The following UBAP2 variants were observed in gnomAD, a reference collection of about 807,000 sequenced individuals.
UBAP2 encodes ubiquitin-associated protein 2.
Under a neutral mutation model 139.6 loss-of-function variants are expected in UBAP2, and 75 were observed. The ratio of observed to expected loss-of-function variants is 0.54; its 90% CI spans 0.45 to 0.65. The LOEUF is 0.65. Among genes scored for constraint, UBAP2 ranks in the 30% least tolerant of loss-of-function variants. The pLI is 0.00. For missense variants in UBAP2, 1,368 were observed against 1,369.6 expected, an observed-to-expected ratio of 1.00 and a Z score of 0.02; for synonymous variants, 526 against 526.2, an observed-to-expected ratio of 1.00 and a Z score of 0.01.
At chr9:33,981,344 G>A (rs1164981158) in intron 6 of UBAP2, among the ~76,000 whole-genome samples, 1 of 143,732 alleles carries the variant, frequency 7.0e-6, no homozygotes, top group African/African-American at 2.6e-5. Flanking sequence ...TAAAAGACGG[G>A]GAAAGATACG....
intron 1 of UBAP2, among the ~76,000 whole-genome samples, chr9:34,034,904 G>A (rs1039798341): frequency 7.3e-5 from 11 of 151,450 alleles, no homozygotes; most frequent in African/African-American, 1.9e-4. Flanking sequence ...AAAACGAATC[G>A]CTCAACTGTT....
At chr9:34,017,958 C>A (rs776995878) in intron 1 of UBAP2, among the ~76,000 whole-genome samples, 9 of 151,762 alleles carry the variant, frequency 5.9e-5, no homozygotes, top group Non-Finnish European at 1.2e-4. Flanking sequence ...ATATAATTTT[C>A]TTTGATTTGT....
At chr9:33,928,344 A>C (rs981112366) in intron 19 of UBAP2, 8 of 234,224 alleles carry the variant, frequency 3.4e-5, no homozygotes, top group Middle Eastern at 1.4e-3. Flanking sequence ...ATGAACACAG[A>C]CTATCTGAAT....
intron 2 of UBAP2, among the ~76,000 whole-genome samples, chr9:34,005,679 G>C (rs573439492): frequency 1.3e-5 from 2 of 152,032 alleles, no homozygotes; most frequent in South Asian, 4.1e-4. Context: ...GAAATGAAGA[G>C]ATAAATAGGA....
rs146425331 is a variant in UBAP2 at position 34,006,587 on chromosome 9, G to A, written c.100-7723C>T. ...GCTACTCAAGAGGCTGAGGTAGGAGGATTATCTGAGTCCAGGAGGTCAAGG... is the reference window on the plus strand; with the variant it reads ...GCTACTCAAGAGGCTGAGGTAGGAGAATTATCTGAGTCCAGGAGGTCAAGG... On this transcript the variant is annotated intron_variant, in intron 2 of 28. Coordinates refer to ENST00000379238, the MANE Select transcript of UBAP2 (RefSeq NM_001370062.2). Among the ~76,000 whole-genome samples the A allele has an allele frequency of 1.2e-3, 188 of 152,140 alleles. 1 individual carries two copies. The East Asian group carries it at 0.031, about 25-fold the overall frequency.
intron 1 of UBAP2, among the ~76,000 whole-genome samples, chr9:34,043,668 A>T (rs887099975): frequency 2.0e-5 from 3 of 151,372 alleles, no homozygotes; most frequent in South Asian, 2.1e-4. Flanking sequence ...TAATTTTTAC[A>T]TTTTTTTTAT....
chr9:33,999,674 G>A (rs1360596409), intron 2 of UBAP2, among the ~76,000 whole-genome samples: 1 of 151,754 alleles, frequency 6.6e-6, no homozygotes, highest in African/African-American at 2.4e-5. Flanking sequence ...TGGGATTACA[G>A]GCCTGAGCCA....
chr9:33,982,323 T>C (rs1403178964), intron 6 of UBAP2, among the ~76,000 whole-genome samples: 4 of 152,158 alleles, frequency 2.6e-5, no homozygotes, highest in Admixed American at 6.6e-5. Flanking sequence ...ATAGGAATGA[T>C]TTTTCAAGTG....
intron 21 of UBAP2, 29 bp downstream of exon 21, chr9:33,926,960 G>A: frequency 6.2e-7 from 1 of 1,607,262 alleles, no homozygotes; most frequent in Non-Finnish European, 8.5e-7. Context: ...GGGGAGCTGG[G>A]CAGGCCAGGA....
In UBAP2 at chr9:33,943,417, T is replaced by C. The variant is rs1304129306; in HGVS notation, c.1715+3A>G. On this transcript the variant is annotated splice_donor_region_variant and intron_variant, in intron 15 of 28. Transcript: ENST00000379238. ...CTTCATAACAAAGGACTAAATTCAG[T>C]ACCTTAAAGACTTCGAATACAAGCT... 6.2e-7 allele frequency: 1 copy of C among 1,613,938 alleles called. No individual in the cohort carries two copies. Among genetic ancestry groups the C allele is most frequent in the Admixed American group, 1.7e-5 (1 of 59,954 alleles).
At chr9:34,039,362 G>A (rs1176575244) in intron 1 of UBAP2, among the ~76,000 whole-genome samples, 1 of 152,216 alleles carries the variant, frequency 6.6e-6, no homozygotes, top group Non-Finnish European at 1.5e-5. Flanking sequence ...GTACCCAACT[G>A]CTCATTGAGA....
At chr9:33,963,234 A>G (rs1284535185) in intron 9 of UBAP2, among the ~76,000 whole-genome samples, 1 of 152,220 alleles carries the variant, frequency 6.6e-6, no homozygotes. Flanking sequence ...CCATGTGAGA[A>G]GCAAGTGCCA....
At chr9:33,944,701 A>G in intron 13 of UBAP2, 62 bp from the exon 14 acceptor site, 1 of 1,557,086 alleles carries the variant, frequency 6.4e-7, no homozygotes, top group Non-Finnish European at 8.7e-7. Context: ...TCAATAGAAC[A>G]TGAAGTGTTC....
In UBAP2 at chr9:33,932,647, C is replaced by T. The variant is rs767979446; in HGVS notation, c.2109-19G>A. On this transcript the variant is annotated intron_variant, in intron 18 of 28. Transcript: ENST00000379238. ...GAGCGAACTAGAAGACAAAACAGAG[C>T]GCCGTATGTCCACCTGAACAAGTGA... 2.4e-5 allele frequency: 38 copies of T among 1,613,130 alleles called. 1 individual carries two copies. In the South Asian group the frequency reaches 2.6e-4, roughly 11 times the overall value.
At chr9:33,940,097 G>A (rs2130921077) in intron 16 of UBAP2, among the ~76,000 whole-genome samples, 2 of 152,024 alleles carry the variant, frequency 1.3e-5, no homozygotes, top group African/African-American at 4.8e-5. Context: ...AAAAGGAGGA[G>A]GAGGAAGAAG....
intron 1 of UBAP2, among the ~76,000 whole-genome samples, chr9:34,029,880 G>A (rs928817558): frequency 2.6e-5 from 4 of 151,996 alleles, no homozygotes; most frequent in African/African-American, 4.8e-5. Context: ...CCAGCTACTC[G>A]GGAGGCTGAG....
chr9:33,982,398 G>A (rs1820839780), intron 6 of UBAP2, among the ~76,000 whole-genome samples: 1 of 152,136 alleles, frequency 6.6e-6, no homozygotes, highest in South Asian at 2.1e-4. Flanking sequence ...AAGGCCAACT[G>A]ATCAAGCTAA....
Position 33,933,514 on chromosome 9 carries a change from C to A in UBAP2, c.2084G>T (p.Ser695Ile). ...CCTGCTAAGCTGAGAGAGAGGGCTG[C>A]TAGTCAGGTCGCCAGTGTGCTGGGA... Reference protein sequence around the residue: ...STSQHTGDLTSSPLSQLSSSL... With the variant: ...STSQHTGDLTISPLSQLSSSL... The change falls in exon 18 of 29, where the codon AGC (serine) becomes ATC (isoleucine). Residue 695 changes from serine (S) to isoleucine (I), a missense_variant. Coordinates refer to ENST00000379238, the MANE Select transcript of UBAP2 (RefSeq NM_001370062.2). 6.2e-7 allele frequency: 1 copy of A among 1,613,942 alleles called. No homozygotes were observed. The highest frequency in any genetic ancestry group is 8.5e-7 in the Non-Finnish European group (1 of 1,180,004).
At chr9:34,033,644 C>A (rs1826074783) in intron 1 of UBAP2, among the ~76,000 whole-genome samples, 1 of 151,898 alleles carries the variant, frequency 6.6e-6, no homozygotes, top group African/African-American at 2.4e-5. Context: ...GTGGTGCAAT[C>A]TCGGTTCCCT....
Sources: allele counts gnomAD v4.1 joint callset (sites outside exome capture counted in the v4.1 genomes callset), GRCh38; gene constraint gnomAD v4.1.1; transcripts MANE v1.5; gene names NCBI Gene and HGNC (gene_info 2026-07-23, HGNC 2026-07-21).